NVL: variants seen among roughly 807,000 people sequenced by gnomAD.
The protein encoded by NVL is nuclear VCP like.
NVL carries 84 observed loss-of-function variants against 110.2 expected under a neutral mutation model. The ratio of observed to expected loss-of-function variants is 0.76; its 90% CI spans 0.64 to 0.91. The LOEUF (loss-of-function observed/expected upper bound fraction) is 0.91, where lower values mean the gene tolerates loss of function less well. NVL is among the 40% of genes least tolerant of loss of function. The pLI is 0.00. For synonymous variants in NVL, 354 were observed against 361.1 expected (o/e 0.98, Z 0.22); for missense variants, 882 against 1,035.9 (o/e 0.85, Z 2.04).
Position 224,267,137 on chromosome 1 carries a change from G to C in NVL, c.2182+897C>G, listed in dbSNP as rs545910121. ...GGGGACTGATCACCAGAAAGATCAA[G>C]CATGTGATTAGAGTTGTAACTCCGA... On this transcript the variant is annotated intron_variant, in intron 18 of 22. Transcript: ENST00000281701. 2.4e-4 allele frequency among the ~76,000 whole-genome samples: 37 copies of C among 152,272 alleles called. 1 individual carries two copies. The South Asian group carries it at 6.4e-3, about 26-fold the overall frequency.
intron 19 of NVL, among the ~76,000 whole-genome samples, chr1:224,237,135 C>T (rs1464486380): frequency 6.6e-6 from 1 of 152,102 alleles, no homozygotes; most frequent in Admixed American, 6.6e-5. Flanking sequence ...TACTAAACAC[C>T]ATCAACAAGA....
At position 224,271,038 on chromosome 1, in the gene NVL, G is replaced by A. The variant is rs906239535; in HGVS notation, c.2083-2905C>T. Among the ~76,000 whole-genome samples, 6 of 152,210 alleles carry A rather than the reference G, an allele frequency of 3.9e-5. No homozygotes were observed. In the South Asian group the frequency reaches 1.0e-3, roughly 26 times the overall value. On this transcript the variant is annotated intron_variant, in intron 17 of 22. Coordinates refer to ENST00000281701, the MANE Select transcript of NVL (RefSeq NM_002533.4). The stretch of plus-strand genomic sequence containing the variant: ...TCCCATCACAGGTGCACAAAAATAC[G>A]TGAAACAAGTTCAGCAGAGTTCTAT...
intron 18 of NVL, among the ~76,000 whole-genome samples, chr1:224,260,144 G>A: frequency 6.6e-6 from 1 of 152,138 alleles, no homozygotes; most frequent in East Asian, 1.9e-4. Flanking sequence ...ATTCAACAAT[G>A]ACCCAAAGCA....
At chr1:224,253,820 T>C (rs1437496874) in intron 18 of NVL, among the ~76,000 whole-genome samples, 3 of 151,922 alleles carry the variant, frequency 2.0e-5, no homozygotes, top group Non-Finnish European at 4.4e-5. Flanking sequence ...CATCAGTGCA[T>C]GAAAGTTCCA....
At chr1:224,326,325 ATATAAACTTT>A (rs1671140295) in intron 2 of NVL, 56 bp downstream of exon 2, 2 of 1,166,540 alleles carry the variant, frequency 1.7e-6, no homozygotes, top group Admixed American at 4.1e-5. Context: ...TTTAGGCAGG[ATATAAACTTT>A]TAAAATGGTA....
In NVL at chr1:224,253,750, A is replaced by G. The variant is rs778463505; in HGVS notation, c.2183-3432T>C. Among the ~76,000 whole-genome samples, 750 of 141,772 alleles carry G rather than the reference A, an allele frequency of 5.3e-3. 39 individuals are homozygous for G. Among genetic ancestry groups the G allele is most frequent in the Middle Eastern group, 3.6e-3 (1 of 276 alleles). The allele number at this position is 141,772 out of a possible 152,430, so 93.0% of individuals were successfully genotyped here. A position where few individuals can be genotyped will look rare whatever the true frequency, so the allele number is the denominator to read the frequency against. On this transcript the variant is annotated intron_variant, in intron 18 of 22. Coordinates refer to ENST00000281701, the MANE Select transcript of NVL (RefSeq NM_002533.4). Reference sequence around the variant, plus strand: ...CGGTCTCAAAAAAAAAAAAAAAAAGAAAAGAAAAAAAGAAATTGCCAAACT... The same window carrying G: ...CGGTCTCAAAAAAAAAAAAAAAAAGGAAAGAAAAAAAGAAATTGCCAAACT...
chr1:224,250,999 C>T (rs962650211), intron 18 of NVL, among the ~76,000 whole-genome samples: 3 of 151,642 alleles, frequency 2.0e-5, no homozygotes, highest in Non-Finnish European at 2.9e-5. Context: ...AACGGCTGGG[C>T]GCGGGGGCTC....
At chr1:224,302,786 A>C (rs912224679) in intron 9 of NVL, among the ~76,000 whole-genome samples, 2 of 152,170 alleles carry the variant, frequency 1.3e-5, no homozygotes, top group African/African-American at 4.8e-5. Flanking sequence ...GCAGTGGCCC[A>C]TGCCTGTAAT....
chr1:224,281,007 G>A lies in NVL; in HGVS notation c.1962+116C>T. The A allele has an allele frequency of 5.3e-6, 5 of 948,928 alleles. No homozygotes were observed. In the Admixed American group the frequency reaches 9.4e-5, roughly 18 times the overall value. The allele number at this position is 948,928 out of a possible 1,614,324, so 58.8% of individuals were successfully genotyped here. ...TCAGCCTCCTCACTCCTACAGCACTGATTTTAAATACCAAAATACCACAAT... is the reference window on the plus strand; with the variant it reads ...TCAGCCTCCTCACTCCTACAGCACTAATTTTAAATACCAAAATACCACAAT... On this transcript the variant is annotated intron_variant, in intron 16 of 22. Coordinates refer to ENST00000281701, the MANE Select transcript of NVL (RefSeq NM_002533.4).
intron 7 of NVL, 73 bp downstream of exon 7, chr1:224,304,961 A>G: frequency 6.3e-7 from 1 of 1,579,826 alleles, no homozygotes; most frequent in Non-Finnish European, 8.6e-7. Flanking sequence ...CCTCAAGCAA[A>G]ATAGCTTGGG....
intron 12 of NVL, among the ~76,000 whole-genome samples, chr1:224,293,515 T>C (rs1178279941): frequency 6.6e-6 from 1 of 152,230 alleles, no homozygotes; most frequent in Admixed American, 6.5e-5. Context: ...CAGGAAAGGC[T>C]GGTACTGCAG....
rs190915310 is a variant in NVL, at chr1:224,293,673, A to T, written c.1325+594T>A. Among the ~76,000 whole-genome samples the T allele has an allele frequency of 3.6e-3, 547 of 152,340 alleles. 4 individuals are homozygous for T. Among genetic ancestry groups the T allele is most frequent in the African/African-American group, 0.012 (511 of 41,582 alleles). ...GCTGCTGTATGCCATAGCTCCAGAC[A>T]TTGCCACTAACCTGGTCAGCCAACT... On this transcript the variant is annotated intron_variant, in intron 12 of 22. Transcript: ENST00000281701.
chr1:224,287,705 A>G (rs1666995784), intron 14 of NVL, 70 bp downstream of exon 14: 1 of 1,307,872 alleles, frequency 7.6e-7, no homozygotes, highest in African/African-American at 1.4e-5. Context: ...CCTAGTACAC[A>G]TGCATGGAGC....
intron 2 of NVL, among the ~76,000 whole-genome samples, chr1:224,319,641 C>A (rs1670456885): frequency 6.6e-6 from 1 of 152,042 alleles, no homozygotes. Context: ...AGGATCCAGG[C>A]CAGCTAATTT....
chr1:224,285,579 TGA>T (rs947844030), intron 15 of NVL, among the ~76,000 whole-genome samples: 1 of 152,218 alleles, frequency 6.6e-6, no homozygotes, highest in African/African-American at 2.4e-5. Context: ...TAGGTGGCAG[TGA>T]GAGAATTACA....
At chr1:224,308,407 T>C in intron 5 of NVL, 144 bp from the exon 6 acceptor site, 1 of 730,258 alleles carries the variant, frequency 1.4e-6, no homozygotes, top group Non-Finnish European at 2.1e-6. Context: ...ATATAGGTGT[T>C]AGGCTGGGCA....
intron 5 of NVL, among the ~76,000 whole-genome samples, chr1:224,309,340 G>A (rs552532586): frequency 2.0e-4 from 31 of 152,092 alleles, no homozygotes; most frequent in East Asian, 9.7e-4. Context: ...GCAACACAGC[G>A]AGACCCTGTG....
intron 10 of NVL, chr1:224,298,523 CCAGAGAAGTG>C (rs1251133317): frequency 4.6e-6 from 1 of 216,108 alleles, no homozygotes; most frequent in Non-Finnish European, 9.8e-6. Flanking sequence ...CATGCTCCAC[CCAGAGAAGTG>C]CACTCTGAGA....
At chr1:224,246,440 A>T (rs1661830485) in intron 19 of NVL, among the ~76,000 whole-genome samples, 1 of 152,212 alleles carries the variant, frequency 6.6e-6, no homozygotes, top group Admixed American at 6.6e-5. Context: ...TGTGAGTACC[A>T]TACATTGAAT....
Sources: allele counts gnomAD v4.1 joint callset (sites outside exome capture counted in the v4.1 genomes callset), GRCh38; gene constraint gnomAD v4.1.1; transcripts MANE v1.5; gene names NCBI Gene and HGNC (gene_info 2026-07-23, HGNC 2026-07-21).